Variants in DLGAP1 observed in about 807,000 individuals in gnomAD.
The protein encoded by DLGAP1 is DLG associated protein 1.
A neutral mutation model predicts 90.8 loss-of-function variants in DLGAP1; 11 were observed. The observed-to-expected ratio is 0.12, with a 90% CI of 0.08 to 0.20. DLGAP1 has a LOEUF of 0.20. Among genes scored for constraint, DLGAP1 ranks in the 10% least tolerant of loss-of-function variants. The pLI is 1.00. For synonymous variants in DLGAP1, 558 were observed against 540.7 expected, an observed-to-expected ratio of 1.03 and a Z score of -0.44; for missense variants, 1,050 against 1,333.8, an observed-to-expected ratio of 0.79 and a Z score of 3.31.
At chr18:3,692,717 C>T (rs2147034474) in intron 7 of DLGAP1, among the ~76,000 whole-genome samples, 1 of 152,322 alleles carries the variant, frequency 6.6e-6, no homozygotes, top group East Asian at 1.9e-4. Context: ...ACATATACTC[C>T]TTGGGAGAGG....
chr18:3,982,071 GA>G (rs534583227), intron 3 of DLGAP1, among the ~76,000 whole-genome samples: 233 of 151,794 alleles, frequency 1.5e-3, no homozygotes, highest in African/African-American at 5.2e-3. Flanking sequence ...ATAGGAAGAA[GA>G]AAAAAAGAGG....
intron 5 of DLGAP1, among the ~76,000 whole-genome samples, chr18:3,808,781 G>C (rs113910579): frequency 0.013 from 2,021 of 152,112 alleles, 21 homozygotes; most frequent in South Asian, 0.021. Context: ...GACACAGCAT[G>C]TCCAGGAGGA....
intron 7 of DLGAP1, among the ~76,000 whole-genome samples, chr18:3,678,976 T>C (rs1348722052): frequency 2.6e-5 from 4 of 152,158 alleles, no homozygotes; most frequent in African/African-American, 9.7e-5. Flanking sequence ...TGGTTCTTCT[T>C]CTTCTTCTTT....
intron 3 of DLGAP1, among the ~76,000 whole-genome samples, chr18:3,955,540 C>T (rs1484901374): frequency 4.6e-5 from 7 of 151,846 alleles, no homozygotes; most frequent in African/African-American, 7.3e-5. Context: ...GGAGAAACCC[C>T]GCCTCTACTA....
chr18:4,162,602 G>A (rs755551157), intron 1 of DLGAP1, among the ~76,000 whole-genome samples: 1 of 152,006 alleles, frequency 6.6e-6, no homozygotes, highest in African/African-American at 2.4e-5. Flanking sequence ...TCTTTGAAAA[G>A]GTTCTATACC....
At chr18:3,580,763 G>C in intron 8 of DLGAP1, 29 of 1,612,586 alleles carry the variant, frequency 1.8e-5, no homozygotes, top group Non-Finnish European at 2.4e-5. Flanking sequence ...GGTGTGACCG[G>C]AGACTTTGCA....
chr18:3,778,491 T>C (rs889842256), intron 5 of DLGAP1, among the ~76,000 whole-genome samples: 1 of 151,802 alleles, frequency 6.6e-6, no homozygotes, highest in Non-Finnish European at 1.5e-5. Context: ...ATGAGGAAGA[T>C]AAGACTTTTG....
chr18:4,002,282 C>T (rs1384491519), intron 3 of DLGAP1, among the ~76,000 whole-genome samples: 1 of 132,376 alleles, frequency 7.6e-6, no homozygotes, highest in Non-Finnish European at 1.7e-5. Flanking sequence ...TAAGCATCTA[C>T]CTGCCTGTCT....
At chr18:3,618,709 C>T (rs1339710894) in intron 7 of DLGAP1, among the ~76,000 whole-genome samples, 3 of 150,382 alleles carry the variant, frequency 2.0e-5, no homozygotes, top group South Asian at 2.1e-4. Flanking sequence ...GAGGCCGAGA[C>T]GAGCGGATCA....
Position 3,744,821 on chromosome 18 carries a change from C to T in DLGAP1, c.1173-2309G>A, listed in dbSNP as rs148789898. Reference sequence around the variant, plus strand: ...TTGGCCTCCCAAAGTGTTGGGATTACAGGCATAAGCCACTGCCCCATAAAT... The same window carrying T: ...TTGGCCTCCCAAAGTGTTGGGATTATAGGCATAAGCCACTGCCCCATAAAT... On this transcript the variant is annotated intron_variant, in intron 5 of 12. Coordinates refer to ENST00000315677, the MANE Select transcript of DLGAP1 (RefSeq NM_004746.4). 6.6e-4 allele frequency among the ~76,000 whole-genome samples: 100 copies of T among 152,328 alleles called. 1 individual carries two copies. The highest frequency in any genetic ancestry group is 2.3e-3 in the African/African-American group (94 of 41,566).
intron 1 of DLGAP1, among the ~76,000 whole-genome samples, chr18:4,446,581 T>C (rs950711297): frequency 2.0e-5 from 3 of 152,208 alleles, no homozygotes; most frequent in Admixed American, 6.5e-5. Context: ...ATAAAATAAC[T>C]ATGGATATAA....
intron 3 of DLGAP1, among the ~76,000 whole-genome samples, chr18:3,881,915 T>G (rs1452687028): frequency 1.3e-5 from 2 of 149,508 alleles, no homozygotes; most frequent in Non-Finnish European, 2.9e-5. Context: ...TCCGTCTGTC[T>G]CAGAACAAAC....
intron 7 of DLGAP1, among the ~76,000 whole-genome samples, chr18:3,691,125 C>T (rs9954584): frequency 0.026 from 4,029 of 152,084 alleles, 179 homozygotes; most frequent in African/African-American, 0.091. Context: ...TATGCTAATT[C>T]GAAAAATCAT....
chr18:3,706,592 A>G (rs1031817455), intron 7 of DLGAP1, among the ~76,000 whole-genome samples: 1 of 152,228 alleles, frequency 6.6e-6, no homozygotes, highest in African/African-American at 2.4e-5. Flanking sequence ...TGAAAACGTA[A>G]TGTTAGTCTG....
intron 2 of DLGAP1, among the ~76,000 whole-genome samples, chr18:4,114,218 C>T (rs967438858): frequency 6.6e-6 from 1 of 151,918 alleles, no homozygotes; most frequent in African/African-American, 2.4e-5. Context: ...GATATTGATA[C>T]TTCCAATACA....
chr18:4,222,581 A>C (rs61398206), intron 1 of DLGAP1, among the ~76,000 whole-genome samples: 9,376 of 152,240 alleles, frequency 0.062, 655 homozygotes, highest in African/African-American at 0.17. Context: ...ATAAAAACTA[A>C]AAGAAAATAC....
At chr18:4,341,650 T>C (rs759037505) in intron 1 of DLGAP1, among the ~76,000 whole-genome samples, 1 of 152,172 alleles carries the variant, frequency 6.6e-6, no homozygotes, top group Non-Finnish European at 1.5e-5. Flanking sequence ...CCTACACCTG[T>C]CTTTTCCAAG....
At chr18:3,501,047 T>G (rs2049902889) in intron 12 of DLGAP1, among the ~76,000 whole-genome samples, 1 of 152,032 alleles carries the variant, frequency 6.6e-6, no homozygotes, top group Non-Finnish European at 1.5e-5. Flanking sequence ...CCCAAGTAGC[T>G]GGCACTACAA....
chr18:4,318,020 G>C (rs2080578091), intron 1 of DLGAP1, among the ~76,000 whole-genome samples: 1 of 152,164 alleles, frequency 6.6e-6, no homozygotes, highest in Non-Finnish European at 1.5e-5. Flanking sequence ...GATAATTTTT[G>C]TATTTTAAGA....
Sources: gnomAD v4.1 joint callset for allele counts (sites outside exome capture counted in the v4.1 genomes callset) on GRCh38, gnomAD v4.1.1 for gene constraint, MANE v1.5 for transcripts, NCBI Gene and HGNC (gene_info 2026-07-23, HGNC 2026-07-21) for gene names.